B4GALT1: variants seen among roughly 807,000 people sequenced by gnomAD.
B4GALT1 encodes N-acetyllactosamine synthase.
In B4GALT1, 16 loss-of-function variants were observed where a neutral mutation model predicts 34.9. That is an observed-to-expected ratio of 0.46 (90% CI 0.31 to 0.70). The LOEUF is 0.70. Among genes scored for constraint, B4GALT1 ranks in the 30% least tolerant of loss-of-function variants. The probability of loss-of-function intolerance (pLI) is 0.05; values close to 1 mark genes in which losing one functional copy is unlikely to be tolerated. For synonymous variants in B4GALT1, 221 were observed against 218.1 expected (o/e 1.01, Z -0.12); for missense variants, 445 against 530.5 (o/e 0.84, Z 1.58).
Position 33,166,858 on chromosome 9 carries a change from C to T in B4GALT1, c.312G>A (p.Val104=), listed in dbSNP as rs1840764543. ...PRPGGDSSPV[V]DSGPGPASNL... ...TGCTAGCGGGGCCAGGGCCAGAATC[C>T]ACGACTGGGCTGGAGTCGCCACCCG... Residue 104 remains valine, a synonymous_variant, in exon 1 of 6, where the codon GTG becomes GTA. Transcript: ENST00000379731. The T allele has an allele frequency of 1.9e-6, 3 of 1,571,390 alleles. No homozygotes were observed. Among genetic ancestry groups the T allele is most frequent in the Non-Finnish European group, 2.6e-6 (3 of 1,165,650 alleles).
intron 1 of B4GALT1, among the ~76,000 whole-genome samples, chr9:33,163,236 G>A (rs1197342894): frequency 6.6e-6 from 1 of 152,176 alleles, no homozygotes; most frequent in Non-Finnish European, 1.5e-5. Context: ...GCAAAGACCA[G>A]CAAGTGCTAG....
At chr9:33,113,726 C>G in intron 5 of B4GALT1, 48 bp downstream of exon 5, 1 of 1,611,342 alleles carries the variant, frequency 6.2e-7, no homozygotes, top group East Asian at 2.2e-5. Context: ...GACCTGCAGC[C>G]TACCTCATCC....
chr9:33,130,376 C>T (rs1367427708), intron 2 of B4GALT1, among the ~76,000 whole-genome samples: 2 of 151,538 alleles, frequency 1.3e-5, no homozygotes, highest in African/African-American at 4.9e-5. Flanking sequence ...TTTCTTGCTG[C>T]CGTTGAAGTT....
At chr9:33,162,019 C>A (rs1257961683) in intron 1 of B4GALT1, among the ~76,000 whole-genome samples, 6 of 152,172 alleles carry the variant, frequency 3.9e-5, no homozygotes. Context: ...AAAGCTTGGA[C>A]TGCCTTGCTA....
At chr9:33,139,923 A>T (rs1396691015) in intron 1 of B4GALT1, among the ~76,000 whole-genome samples, 2 of 152,200 alleles carry the variant, frequency 1.3e-5, no homozygotes, top group Non-Finnish European at 2.9e-5. Context: ...AGGGTTACGT[A>T]AGCAGATGAG....
At chr9:33,134,403 A>C (rs1840237146) in intron 2 of B4GALT1, among the ~76,000 whole-genome samples, 1 of 152,252 alleles carries the variant, frequency 6.6e-6, no homozygotes, top group African/African-American at 2.4e-5. Flanking sequence ...CTAGGAGGTT[A>C]TAGTCTAAAA....
intron 1 of B4GALT1, 29 bp from the exon 2 acceptor site, chr9:33,135,453 G>C (rs1587737952): frequency 6.2e-7 from 1 of 1,604,198 alleles, no homozygotes; most frequent in South Asian, 1.1e-5. Context: ...GGAGAAGTTA[G>C]CAGGCCACAG....
intron 1 of B4GALT1, among the ~76,000 whole-genome samples, chr9:33,160,049 G>C (rs1840652622): frequency 6.6e-6 from 1 of 152,182 alleles, no homozygotes; most frequent in Non-Finnish European, 1.5e-5. Flanking sequence ...CAGAATTCTA[G>C]ACACATTGTT....
chr9:33,180,825 G>A, the B4GALT1 span, among the ~76,000 whole-genome samples: 10 of 152,132 alleles, frequency 6.6e-5, no homozygotes, highest in African/African-American at 1.4e-4. Context: ...TATATACACT[G>A]GAAAATTTTC....
intron 5 of B4GALT1, 29 bp downstream of exon 5, chr9:33,113,745 G>T: frequency 1.2e-6 from 2 of 1,612,838 alleles, no homozygotes; most frequent in Non-Finnish European, 1.7e-6. Flanking sequence ...CCTAAAGGGG[G>T]AAGGAGTATG....
chr9:33,179,855 G>A, the B4GALT1 span: 200 of 152,380 alleles, frequency 1.3e-3, no homozygotes, highest in African/African-American at 4.6e-3. Flanking sequence ...AACTTACGAT[G>A]AGTTTATTGG....
At chr9:33,133,683 G>A (rs1449030167) in intron 2 of B4GALT1, among the ~76,000 whole-genome samples, 3 of 152,192 alleles carry the variant, frequency 2.0e-5, no homozygotes, top group Non-Finnish European at 4.4e-5. Flanking sequence ...GCCCTGGTCT[G>A]TACCTCACTT....
rs568442637 is a variant in B4GALT1 at position 33,134,302 on chromosome 9, C to T, written c.648+887G>A. 8.5e-5 allele frequency among the ~76,000 whole-genome samples: 13 copies of T among 152,256 alleles called. No homozygotes were observed. In the East Asian group the frequency reaches 2.3e-3, roughly 27 times the overall value. ...AGAGTTTATCTCGAAATGAAATGGA[C>T]ATTGGGCCTTGTAGAAATGGGCGTA... On this transcript the variant is annotated intron_variant, in intron 2 of 5. Transcript: ENST00000379731.
At chr9:33,129,777 G>A (rs980534670) in intron 2 of B4GALT1, among the ~76,000 whole-genome samples, 11 of 152,130 alleles carry the variant, frequency 7.2e-5, no homozygotes, top group African/African-American at 2.7e-4. Context: ...GGTTGGGGAG[G>A]GAAGCTTAAA....
intron 1 of B4GALT1, among the ~76,000 whole-genome samples, chr9:33,153,476 C>T (rs1248179098): frequency 1.3e-5 from 2 of 151,854 alleles, no homozygotes; most frequent in African/African-American, 4.8e-5. Flanking sequence ...AAGCTTTTGG[C>T]AAGACTAAGA....
At position 33,113,559 on chromosome 9, in the gene B4GALT1, C is replaced by G. The variant is rs754946699; in HGVS notation, c.1092G>C (p.Glu364Asp). The change falls in exon 6 of 6, where the codon GAG becomes GAC. Residue 364 changes from glutamate (E) to aspartate (D), a missense_variant. By Grantham distance (45) the Glu-to-Asp change is conservative. Coordinates refer to ENST00000379731, the MANE Select transcript of B4GALT1 (RefSeq NM_001497.4). ...AGTTCAAACCATCAGAGAGCATTGT[C>G]TCCTTTGTGTGTGCAATTCGGTCAA... ...QRFDRIAHTK[E>D]TMLSDGLNSL... 6.2e-6 allele frequency: 10 copies of G among 1,614,118 alleles called. No individual in the cohort carries two copies. Among genetic ancestry groups the G allele is most frequent in the South Asian group, 1.1e-5 (1 of 91,084 alleles).
chr9:33,115,925 G>A, intron 4 of B4GALT1, 66 bp downstream of exon 4: 6 of 1,565,470 alleles, frequency 3.8e-6, no homozygotes, highest in Non-Finnish European at 5.2e-6. Flanking sequence ...GAACAACCAA[G>A]CATTGGTTAA....
intron 3 of B4GALT1, 57 bp downstream of exon 3, chr9:33,120,362 C>G: frequency 3.1e-6 from 5 of 1,596,040 alleles, no homozygotes; most frequent in Non-Finnish European, 3.4e-6. Context: ...ACTGCATTTC[C>G]TAGTCAACAC....
At chr9:33,182,125 A>AT in the B4GALT1 span, among the ~76,000 whole-genome samples, 4 of 152,290 alleles carry the variant, frequency 2.6e-5, no homozygotes, top group Middle Eastern at 3.4e-3. Flanking sequence ...GAAAACTCTA[A>AT]GAAAGAATTC....
Sources: gnomAD v4.1 joint callset for allele counts (sites outside exome capture counted in the v4.1 genomes callset) on GRCh38, gnomAD v4.1.1 for gene constraint, MANE v1.5 for transcripts, NCBI Gene and HGNC (gene_info 2026-07-23, HGNC 2026-07-21) for gene names.